MFSD8: variants seen among roughly 807,000 people sequenced by gnomAD.
MFSD8 encodes major facilitator superfamily domain containing 8.
In MFSD8, 55 loss-of-function variants were observed where a neutral mutation model predicts 66.4. The ratio of observed to expected loss-of-function variants is 0.83; its 90% confidence interval spans 0.67 to 1.04. The LOEUF is 1.04. MFSD8 is among the 50% of genes least tolerant of loss of function. The probability of loss-of-function intolerance (pLI) is 0.00; values close to 1 mark genes in which losing one functional copy is unlikely to be tolerated. For missense variants in MFSD8, 550 were observed against 627.6 expected (o/e 0.88, Z 1.32); for synonymous variants, 202 against 212.8 (o/e 0.95, Z 0.44).
chr4:127,921,239 G>A (rs1736300480), intron 11 of MFSD8: 2 of 600,214 alleles, frequency 3.3e-6, no homozygotes, highest in African/African-American at 1.9e-5. Flanking sequence ...GAAAGTTTAA[G>A]TAACTTGTTC....
intron 3 of MFSD8, among the ~76,000 whole-genome samples, chr4:127,949,140 G>A (rs1301724678): frequency 1.3e-5 from 2 of 152,170 alleles, no homozygotes; most frequent in East Asian, 1.9e-4. Context: ...TTAAGGAGTA[G>A]GTTAGGAAAT....
intron 2 of MFSD8, among the ~76,000 whole-genome samples, chr4:127,952,238 TACTA>T (rs1742110013): frequency 2.6e-5 from 4 of 151,476 alleles, no homozygotes; most frequent in Non-Finnish European, 5.9e-5. Flanking sequence ...ACCCTGTCTC[TACTA>T]AAAATACAAA....
intron 11 of MFSD8, chr4:127,921,305 C>A: frequency 2.7e-6 from 2 of 746,048 alleles, no homozygotes; most frequent in Non-Finnish European, 4.3e-6. Context: ...CACTCTACCA[C>A]AATGCCACTC....
chr4:127,943,662 T>A, intron 4 of MFSD8, 90 bp downstream of exon 4: 1 of 1,489,452 alleles, frequency 6.7e-7, no homozygotes, highest in Non-Finnish European at 9.3e-7. Flanking sequence ...AAATATGAGT[T>A]TAAAAGGGGA....
At chr4:127,965,304 G>T, upstream of MFSD8, 1 of 760,468 alleles carries the variant, frequency 1.3e-6, no homozygotes, top group Non-Finnish European at 2.2e-6. Flanking sequence ...GGAAGGCCGG[G>T]CAGCGCAGGG....
intron 1 of MFSD8, among the ~76,000 whole-genome samples, chr4:127,963,954 A>G (rs1419952382): frequency 1.3e-5 from 2 of 152,128 alleles, no homozygotes; most frequent in African/African-American, 4.8e-5. Context: ...AACTAGATAC[A>G]GAGTGTTGAC....
chr4:127,928,526 G>C (rs1318096968), intron 9 of MFSD8, among the ~76,000 whole-genome samples: 1 of 152,140 alleles, frequency 6.6e-6, no homozygotes, highest in East Asian at 1.9e-4. Flanking sequence ...AGAAATGCAA[G>C]TCAAAACCAC....
intron 8 of MFSD8, 55 bp from the exon 9 acceptor site, chr4:127,930,872 TAAAGTGAAG>T: frequency 1.3e-6 from 2 of 1,510,422 alleles, no homozygotes; most frequent in Non-Finnish European, 1.8e-6. Context: ...CTGTTATACT[TAAAGTGAAG>T]TGTAAGTTTT....
upstream of MFSD8, chr4:127,965,231 G>C (rs1403829464): frequency 7.5e-6 from 11 of 1,474,286 alleles, no homozygotes; most frequent in Non-Finnish European, 1.0e-5. Flanking sequence ...GCCTGTAAGT[G>C]CGCGTGCGCA....
rs185032988 is a variant in MFSD8 at position 127,939,004 on chromosome 4, C to A, written c.699-166G>T. The A allele has an allele frequency of 2.8e-5, 13 of 463,614 alleles. No individual in the cohort carries two copies. In the Admixed American group the frequency reaches 4.1e-4, roughly 15 times the overall value. The allele number at this position is 463,614 out of a possible 1,614,324, so 28.7% of individuals were successfully genotyped here. A position where few individuals can be genotyped will look rare whatever the true frequency, so the allele number is the denominator to read the frequency against. The stretch of plus-strand genomic sequence containing the variant: ...TGAGATATAACCAATAAACTTAAGA[C>A]AGAAGTTACAATTCTTATCAAATTA... On this transcript the variant is annotated intron_variant, in intron 6 of 11. Transcript: ENST00000641686.
chr4:127,963,078 T>C (rs557216153), intron 1 of MFSD8, among the ~76,000 whole-genome samples: 3 of 152,304 alleles, frequency 2.0e-5, no homozygotes, highest in Admixed American at 2.0e-4. Flanking sequence ...CATTCCCGAG[T>C]CACTGCCCAT....
At chr4:127,961,456 C>A (rs530819172) in intron 1 of MFSD8, among the ~76,000 whole-genome samples, 2 of 152,116 alleles carry the variant, frequency 1.3e-5, no homozygotes, top group African/African-American at 4.8e-5. Context: ...CAGAAGACCA[C>A]ATTTAAACAT....
chr4:127,948,635 A>G (rs1741462272), intron 3 of MFSD8, among the ~76,000 whole-genome samples: 1 of 152,172 alleles, frequency 6.6e-6, no homozygotes, highest in Non-Finnish European at 1.5e-5. Context: ...CTGTACAGAC[A>G]CAGATCTGCC....
chr4:127,941,667 G>A (rs1411154354), intron 5 of MFSD8, among the ~76,000 whole-genome samples: 2 of 152,008 alleles, frequency 1.3e-5, no homozygotes, highest in African/African-American at 2.4e-5. Flanking sequence ...TCACCATGTT[G>A]GCCAGGCTGG....
chr4:127,964,605 C>A, intron 1 of MFSD8: 1 of 181,888 alleles, frequency 5.5e-6, no homozygotes, highest in Non-Finnish European at 1.2e-5. Context: ...CCCCGGTTCC[C>A]GCTCACGCCT....
chr4:127,936,658 G>A (rs774326264), intron 7 of MFSD8, among the ~76,000 whole-genome samples: 104 of 151,444 alleles, frequency 6.9e-4, no homozygotes, highest in Non-Finnish European at 9.1e-4. Flanking sequence ...AAATTTAATT[G>A]GGCATTCTGT....
intron 9 of MFSD8, among the ~76,000 whole-genome samples, chr4:127,929,172 A>AC (rs1173666425): frequency 6.6e-6 from 1 of 151,360 alleles, no homozygotes; most frequent in Non-Finnish European, 1.5e-5. Context: ...TAAAAAAAAA[A>AC]ATTAGCCAGG....
chr4:127,923,957 G>A (rs1038680012), intron 9 of MFSD8, among the ~76,000 whole-genome samples: 8 of 152,016 alleles, frequency 5.3e-5, no homozygotes, highest in African/African-American at 1.9e-4. Flanking sequence ...TTTTTGTTGT[G>A]TCTCTGCCAG....
intron 5 of MFSD8, among the ~76,000 whole-genome samples, chr4:127,941,719 C>T (rs111600056): frequency 1.6e-4 from 25 of 152,290 alleles, no homozygotes; most frequent in African/African-American, 5.5e-4. Flanking sequence ...TCCACAGACC[C>T]CCAAAGTGCT....
Sources: gnomAD v4.1 joint callset for allele counts (sites outside exome capture counted in the v4.1 genomes callset) on GRCh38, gnomAD v4.1.1 for gene constraint, MANE v1.5 for transcripts, NCBI Gene and HGNC (gene_info 2026-07-23, HGNC 2026-07-21) for gene names.